Variants in KCNMA1 observed in about 807,000 individuals in gnomAD.
KCNMA1 encodes potassium calcium-activated channel subfamily M alpha 1, also known as Calcium-activated potassium channel subunit alpha-1.
A neutral mutation model predicts 140.0 loss-of-function variants in KCNMA1; 29 were observed. That is an observed-to-expected ratio of 0.21 (90% CI 0.15 to 0.28). The LOEUF is 0.28. Ranked by LOEUF, KCNMA1 falls within the 10% of genes least tolerant of loss-of-function variation. The pLI, the probability that KCNMA1 is intolerant of heterozygous loss-of-function variation, is 1.00. For synonymous variants in KCNMA1, 612 were observed against 611.9 expected (o/e 1.00, Z 0.00); for missense variants, 880 against 1,602.2 (o/e 0.55, Z 7.70).
chr10:77,371,499 A>T (rs1164581404), intron 2 of KCNMA1, among the ~76,000 whole-genome samples: 9 of 152,194 alleles, frequency 5.9e-5, no homozygotes, highest in Non-Finnish European at 1.3e-4. Flanking sequence ...GACAACATGT[A>T]AAAAATCTGG....
chr10:77,321,096 G>A (rs2082214308), intron 2 of KCNMA1, among the ~76,000 whole-genome samples: 1 of 152,116 alleles, frequency 6.6e-6, no homozygotes, highest in Non-Finnish European at 1.5e-5. Context: ...CCTTCCCTAG[G>A]CAAGATGTTT....
intron 1 of KCNMA1, among the ~76,000 whole-genome samples, chr10:77,523,210 C>G (rs987266637): frequency 2.0e-5 from 3 of 150,174 alleles, no homozygotes; most frequent in Admixed American, 6.6e-5. Context: ...CGTGCCCCCC[C>G]CCCTTGCAAT....
chr10:77,327,695 A>G lies in KCNMA1; in HGVS notation c.540+76167T>C, dbSNP rs187701952. On this transcript the variant is annotated intron_variant, in intron 2 of 27. Coordinates refer to ENST00000286628, the MANE Select transcript of KCNMA1 (RefSeq NM_001161352.2). ...CAAGTATCAACCACATCCTCCTATAAGGTGAGAAACCAGACCCCACTGTAA... is the reference window on the plus strand; with the variant it reads ...CAAGTATCAACCACATCCTCCTATAGGGTGAGAAACCAGACCCCACTGTAA... 3.0e-3 allele frequency among the ~76,000 whole-genome samples: 455 copies of G among 152,208 alleles called. 2 individuals are homozygous for G. The highest frequency in any genetic ancestry group is 5.2e-3 in the Non-Finnish European group (352 of 68,006).
intron 2 of KCNMA1, among the ~76,000 whole-genome samples, chr10:77,290,131 C>G (rs1169075637): frequency 1.3e-5 from 2 of 152,070 alleles, no homozygotes; most frequent in Non-Finnish European, 2.9e-5. Context: ...GACCTACACA[C>G]CAAATTTTTT....
chr10:77,383,343 G>A (rs983101403), intron 2 of KCNMA1, among the ~76,000 whole-genome samples: 1 of 151,692 alleles, frequency 6.6e-6, no homozygotes, highest in South Asian at 2.1e-4. Context: ...CAGGTGTGCT[G>A]GGGGCTTCTA....
chr10:77,467,231 G>C (rs1006561908), intron 1 of KCNMA1, among the ~76,000 whole-genome samples: 3 of 152,186 alleles, frequency 2.0e-5, no homozygotes, highest in Admixed American at 2.0e-4. Context: ...CTCAGTGACT[G>C]TGTCAGTTTT....
At chr10:77,464,979 T>C (rs553988755) in intron 1 of KCNMA1, among the ~76,000 whole-genome samples, 1 of 152,308 alleles carries the variant, frequency 6.6e-6, no homozygotes, top group South Asian at 2.1e-4. Flanking sequence ...GACGGCCGTG[T>C]ATAAATCAAC....
At chr10:77,589,362 C>T (rs1350064260) in intron 1 of KCNMA1, among the ~76,000 whole-genome samples, 3 of 152,130 alleles carry the variant, frequency 2.0e-5, no homozygotes, top group Non-Finnish European at 2.9e-5. Context: ...TTCTTGTTCC[C>T]GTGTTCTCTG....
At chr10:77,632,139 G>A (rs2093288030) in intron 1 of KCNMA1, among the ~76,000 whole-genome samples, 1 of 152,156 alleles carries the variant, frequency 6.6e-6, no homozygotes, top group Non-Finnish European at 1.5e-5. Context: ...CTACCAGCAG[G>A]ATGCCGCCAA....
chr10:77,157,588 G>T (rs1302095270), intron 5 of KCNMA1, among the ~76,000 whole-genome samples: 1 of 152,078 alleles, frequency 6.6e-6, no homozygotes, highest in East Asian at 1.9e-4. Context: ...GTCCAGACTT[G>T]CTTTACTTGA....
chr10:77,612,942 G>A lies in KCNMA1; in HGVS notation c.378+24323C>T, dbSNP rs912590599. On this transcript the variant is annotated intron_variant, in intron 1 of 27. Transcript: ENST00000286628. ...ACTCCCCCCACCCCCACTGAGCACAGGCATGCAATAGATGCTCAATAACTG... is the reference window on the plus strand; with the variant it reads ...ACTCCCCCCACCCCCACTGAGCACAAGCATGCAATAGATGCTCAATAACTG... Among the ~76,000 whole-genome samples, 15 of 151,856 alleles carry A rather than the reference G, an allele frequency of 9.9e-5. 2 individuals are homozygous for A. The highest frequency in any genetic ancestry group is 4.4e-5 in the Non-Finnish European group (3 of 67,986).
chr10:77,016,400 C>A (rs2092043738), intron 17 of KCNMA1, among the ~76,000 whole-genome samples: 2 of 152,122 alleles, frequency 1.3e-5, no homozygotes, highest in Non-Finnish European at 2.9e-5. Flanking sequence ...TCATTTTTCA[C>A]CACTGTTTCC....
intron 19 of KCNMA1, chr10:76,977,450 C>T: frequency 1.5e-6 from 1 of 659,964 alleles, no homozygotes; most frequent in South Asian, 1.7e-5. Flanking sequence ...GGTTTACCAG[C>T]CATCCCTGGC....
At chr10:77,438,360 A>C (rs1272359304) in intron 1 of KCNMA1, among the ~76,000 whole-genome samples, 1 of 152,150 alleles carries the variant, frequency 6.6e-6, no homozygotes, top group Non-Finnish European at 1.5e-5. Flanking sequence ...TGAGGTCAGG[A>C]GTTCGAGACC....
intron 1 of KCNMA1, among the ~76,000 whole-genome samples, chr10:77,532,769 C>T (rs2057980069): frequency 1.4e-5 from 2 of 146,508 alleles, no homozygotes; most frequent in Admixed American, 6.7e-5. Context: ...ATGGTTTTTT[C>T]AAAGTAACCC....
chr10:77,199,422 A>AAT (rs1254963550), intron 3 of KCNMA1, among the ~76,000 whole-genome samples: 1 of 152,160 alleles, frequency 6.6e-6, no homozygotes, highest in East Asian at 1.9e-4. Context: ...TCTACTGATT[A>AAT]CCTTGTATGA....
chr10:77,622,054 TC>T (rs2091537732), intron 1 of KCNMA1, among the ~76,000 whole-genome samples: 1 of 152,160 alleles, frequency 6.6e-6, no homozygotes. Context: ...CTCATAGCAG[TC>T]CTGGAGTTGT....
At chr10:77,543,323 A>G (rs2154555434) in intron 1 of KCNMA1, among the ~76,000 whole-genome samples, 1 of 152,268 alleles carries the variant, frequency 6.6e-6, no homozygotes, top group East Asian at 1.9e-4. Flanking sequence ...AGCTGACACC[A>G]TGGCAGAGGT....
At chr10:77,436,457 A>G (rs1215434383) in intron 1 of KCNMA1, among the ~76,000 whole-genome samples, 1 of 152,278 alleles carries the variant, frequency 6.6e-6, no homozygotes, top group East Asian at 1.9e-4. Flanking sequence ...GAGTGCAAGC[A>G]CTAAAGAAAA....
Sources: allele counts gnomAD v4.1 joint callset (sites outside exome capture counted in the v4.1 genomes callset), GRCh38; gene constraint gnomAD v4.1.1; transcripts MANE v1.5; gene names NCBI Gene and HGNC (gene_info 2026-07-23, HGNC 2026-07-21).